SLC9B1: variants seen among roughly 807,000 people sequenced by gnomAD.
The protein encoded by SLC9B1 is sodium/hydrogen exchanger 9B1.
SLC9B1 carries 32 observed loss-of-function variants against 51.7 expected under a neutral mutation model. The ratio of observed to expected loss-of-function variants is 0.62; its 90% CI spans 0.47 to 0.83. The LOEUF is 0.83. Ranked by LOEUF, SLC9B1 falls within the 40% of genes least tolerant of loss-of-function variation. The probability of loss-of-function intolerance (pLI) is 0.00; values close to 1 mark genes in which losing one functional copy is unlikely to be tolerated. For missense variants in SLC9B1, 406 were observed against 613.2 expected (o/e 0.66, Z 3.57); for synonymous variants, 145 against 212.7 (o/e 0.68, Z 2.77).
At chr4:102,940,254 A>G (rs761743148) in intron 6 of SLC9B1, among the ~76,000 whole-genome samples, 3 of 152,210 alleles carry the variant, frequency 2.0e-5, no homozygotes, top group Admixed American at 2.0e-4. Context: ...CCCATTCACA[A>G]TAGCCACAAA....
intron 6 of SLC9B1, chr4:102,941,370 G>T (rs375557431): frequency 2.4e-6 from 1 of 414,024 alleles, no homozygotes; most frequent in East Asian, 7.9e-5. Flanking sequence ...AGACAAACAC[G>T]TAGTCAACAA....
At chr4:102,971,936 C>A (rs1232775422) in intron 3 of SLC9B1, among the ~76,000 whole-genome samples, 1 of 151,860 alleles carries the variant, frequency 6.6e-6, no homozygotes, top group African/African-American at 2.4e-5. Flanking sequence ...GAGACTAAAC[C>A]AGGAAGAAGT....
chr4:102,960,794 A>G (rs1300390711), intron 3 of SLC9B1, among the ~76,000 whole-genome samples: 1 of 150,150 alleles, frequency 6.7e-6, no homozygotes, highest in African/African-American at 2.5e-5. Context: ...GTGCAATGGC[A>G]TGATCTCGGC....
intron 7 of SLC9B1, among the ~76,000 whole-genome samples, chr4:102,926,693 A>G (rs1276580550): frequency 6.6e-6 from 1 of 152,244 alleles, no homozygotes; most frequent in African/African-American, 2.4e-5. Flanking sequence ...TATAGATTCA[A>G]TACTATCCCC....
intron 3 of SLC9B1, among the ~76,000 whole-genome samples, chr4:102,975,787 T>C (rs1739040878): frequency 6.6e-6 from 1 of 151,296 alleles, no homozygotes; most frequent in South Asian, 2.1e-4. Context: ...CAGGCTGGTT[T>C]GAACTCCCAA....
At chr4:102,956,226 C>T (rs1250252192) in intron 3 of SLC9B1, among the ~76,000 whole-genome samples, 1 of 151,836 alleles carries the variant, frequency 6.6e-6, no homozygotes, top group Non-Finnish European at 1.5e-5. Flanking sequence ...GCCTGGTATC[C>T]TCCAGACTTT....
intron 7 of SLC9B1, among the ~76,000 whole-genome samples, chr4:102,914,535 A>G (rs1289348549): frequency 1.3e-5 from 2 of 152,160 alleles, no homozygotes; most frequent in East Asian, 3.8e-4. Context: ...GAACAAGGAC[A>G]GTTTAAATGC....
intron 1 of SLC9B1, among the ~76,000 whole-genome samples, chr4:103,002,482 T>C (rs915209388): frequency 6.6e-6 from 1 of 152,234 alleles, no homozygotes; most frequent in Non-Finnish European, 1.5e-5. Flanking sequence ...GATTAAATGA[T>C]CTACCAAGAA....
At chr4:102,963,078 C>G in intron 3 of SLC9B1, 1 of 421,674 alleles carries the variant, frequency 2.4e-6, no homozygotes, top group South Asian at 1.7e-5. Context: ...TGAACCTCAA[C>G]TACAGAGAGA....
intron 6 of SLC9B1, among the ~76,000 whole-genome samples, chr4:102,937,004 T>G (rs1419990542): frequency 6.6e-6 from 1 of 152,032 alleles, no homozygotes; most frequent in Admixed American, 6.6e-5. Flanking sequence ...GCAGCTAAAG[T>G]GAAGGGGCAG....
chr4:103,019,157 G>C (rs570374279), intron 1 of SLC9B1, among the ~76,000 whole-genome samples: 2 of 152,214 alleles, frequency 1.3e-5, no homozygotes, highest in South Asian at 4.1e-4. Flanking sequence ...GCGTGGATGT[G>C]GGTGGGTGGG....
At chr4:102,995,166 C>T (rs1397823171) in intron 1 of SLC9B1, among the ~76,000 whole-genome samples, 2 of 152,088 alleles carry the variant, frequency 1.3e-5, no homozygotes, top group Non-Finnish European at 2.9e-5. Context: ...TTTTTGAATG[C>T]CTACTCTTCT....
intron 1 of SLC9B1, among the ~76,000 whole-genome samples, chr4:103,003,659 C>A (rs960730952): frequency 6.6e-6 from 1 of 152,076 alleles, no homozygotes; most frequent in African/African-American, 2.4e-5. Flanking sequence ...CTTGCCACTA[C>A]CCCAGTGAAG....
chr4:102,989,711 A>G (rs1464763477), intron 3 of SLC9B1, 89 bp downstream of exon 3: 19 of 851,514 alleles, frequency 2.2e-5, no homozygotes, highest in Admixed American at 9.5e-5. Context: ...GAGTATATTG[A>G]TTAAGTAGTG....
At chr4:102,969,060 G>C in intron 3 of SLC9B1, among the ~76,000 whole-genome samples, 1 of 152,244 alleles carries the variant, frequency 6.6e-6, no homozygotes, top group East Asian at 1.9e-4. Context: ...GCTCACTGCA[G>C]CTCAACGAGG....
chr4:102,973,958 G>A (rs1205536763), intron 3 of SLC9B1, among the ~76,000 whole-genome samples: 1 of 152,014 alleles, frequency 6.6e-6, no homozygotes, highest in Non-Finnish European at 1.5e-5. Flanking sequence ...AAAAGAGATT[G>A]GGCATGGTGG....
At chr4:102,900,217 C>T (rs1578329197), downstream of SLC9B1, among the ~76,000 whole-genome samples, 1 of 151,522 alleles carries the variant, frequency 6.6e-6, no homozygotes, top group South Asian at 2.1e-4. Flanking sequence ...ATTTTAGAAT[C>T]GTTTATATGA....
In SLC9B1 at chr4:102,895,563, A is replaced by G. The variant is rs192852913; in HGVS notation, c.1332+9951T>C. On this transcript the variant is annotated intron_variant, in intron 11 of 11. Transcript: ENST00000394789. ...GAAAGAAAACTACCAAATTCCATGT[A>G]TGATACCCCATTTTAAAATTACATA... 2.2e-4 allele frequency among the ~76,000 whole-genome samples: 34 copies of G among 152,334 alleles called. No homozygotes were observed. In the East Asian group the frequency reaches 4.6e-3, roughly 21 times the overall value.
At chr4:102,972,380 G>C (rs1738812187) in intron 3 of SLC9B1, among the ~76,000 whole-genome samples, 1 of 152,106 alleles carries the variant, frequency 6.6e-6, no homozygotes, top group Non-Finnish European at 1.5e-5. Context: ...CAGCCTTCGA[G>C]TAGCTGACAG....
Sources: gnomAD v4.1 joint callset for allele counts (sites outside exome capture counted in the v4.1 genomes callset) on GRCh38, gnomAD v4.1.1 for gene constraint, MANE v1.5 for transcripts, NCBI Gene and HGNC (gene_info 2026-07-23, HGNC 2026-07-21) for gene names.